DGKK: variants seen among roughly 807,000 people sequenced by gnomAD.
DGKK encodes the protein 142 kDa diacylglycerol kinase.
DGKK carries 35 observed loss-of-function variants against 92.2 expected under a neutral mutation model. That is an observed-to-expected ratio of 0.38 (90% CI 0.29 to 0.50). DGKK has a LOEUF of 0.50. Ranked by LOEUF, DGKK falls within the 20% of genes least tolerant of loss-of-function variation. The pLI is 0.92. For missense variants in DGKK, 910 were observed against 992.2 expected, an observed-to-expected ratio of 0.92 and a Z score of 1.11; for synonymous variants, 368 against 360.6, an observed-to-expected ratio of 1.02 and a Z score of -0.23.
chrX:50,419,287 T>C (rs1389230385), intron 4 of DGKK, among the ~76,000 whole-genome samples: 1 of 111,671 alleles, frequency 9.0e-6, no homozygotes, highest in Non-Finnish European at 1.9e-5. Flanking sequence ...ATGTTCCCCA[T>C]CATTGCTATA....
intron 1 of DGKK, among the ~76,000 whole-genome samples, chrX:50,426,020 C>A (rs782103132): frequency 3.7e-4 from 41 of 111,630 alleles, no homozygotes; most frequent in Non-Finnish European, 7.5e-4. Flanking sequence ...CCTAGGCAGT[C>A]CTATTTACTC....
At chrX:50,434,943 TAAC>T (rs1925982311) in intron 1 of DGKK, among the ~76,000 whole-genome samples, 1 of 111,999 alleles carries the variant, frequency 8.9e-6, no homozygotes, top group South Asian at 3.7e-4. Context: ...ATCATTGTGC[TAAC>T]AAGAGAGTAT....
At chrX:50,374,943 C>G in intron 25 of DGKK, 28 bp downstream of exon 25, 1 of 1,169,981 alleles carries the variant, frequency 8.5e-7, no homozygotes, top group Admixed American at 2.2e-5. Context: ...ATACTTTGCC[C>G]TCCCAGACTC....
intron 12 of DGKK, 72 bp downstream of exon 12, chrX:50,390,256 T>C: frequency 9.9e-7 from 1 of 1,011,486 alleles, no homozygotes; most frequent in Non-Finnish European, 1.4e-6. Flanking sequence ...CAAAAGCTTC[T>C]CTCTGGGTTT....
At chrX:50,448,141 A>T (rs1926412022) in intron 1 of DGKK, among the ~76,000 whole-genome samples, 1 of 110,788 alleles carries the variant, frequency 9.0e-6, no homozygotes. Context: ...GGTTACATCC[A>T]TTTTTTGGGT....
At chrX:50,393,024 T>C in intron 9 of DGKK, 128 bp downstream of exon 9, 11 of 571,396 alleles carry the variant, frequency 1.9e-5, no homozygotes, top group Non-Finnish European at 1.6e-5. Flanking sequence ...GCTTGTGTCC[T>C]GACTTGAGAA....
intron 4 of DGKK, among the ~76,000 whole-genome samples, chrX:50,418,331 T>C (rs782819965): frequency 8.9e-6 from 1 of 112,083 alleles, no homozygotes; most frequent in East Asian, 2.8e-4. Flanking sequence ...ACAAAGCTCA[T>C]TGAGGCCTGG....
At chrX:50,372,693 T>C (rs1277870215) in intron 25 of DGKK, among the ~76,000 whole-genome samples, 1 of 112,235 alleles carries the variant, frequency 8.9e-6, no homozygotes, top group African/African-American at 3.2e-5. Flanking sequence ...CATGGAAGAC[T>C]TAAAATGGAT....
chrX:50,398,221 G>A (rs1241375380), intron 8 of DGKK, among the ~76,000 whole-genome samples: 1 of 111,581 alleles, frequency 9.0e-6, no homozygotes, highest in Non-Finnish European at 1.9e-5. Context: ...AGCTCAGCCA[G>A]GGGGCATTGA....
intron 3 of DGKK, among the ~76,000 whole-genome samples, chrX:50,422,221 C>T (rs928997970): frequency 1.8e-5 from 2 of 111,587 alleles, no homozygotes; most frequent in African/African-American, 6.5e-5. Context: ...ACTCCCTTCC[C>T]CTTGAAATCA....
chrX:50,396,669 CA>C (rs1348113547), intron 8 of DGKK, among the ~76,000 whole-genome samples: 4 of 106,215 alleles, frequency 3.8e-5, no homozygotes, highest in Middle Eastern at 4.7e-3. Context: ...CAGGAGACTA[CA>C]GGGGCAGCTC....
intron 1 of DGKK, among the ~76,000 whole-genome samples, chrX:50,433,986 C>T (rs781818187): frequency 8.1e-5 from 9 of 111,182 alleles, no homozygotes; most frequent in Admixed American, 1.9e-4. Context: ...CTTCCAATTG[C>T]CTTCTTTTCC....
At chrX:50,380,827 T>C (rs1924396127) in intron 18 of DGKK, among the ~76,000 whole-genome samples, 2 of 111,836 alleles carry the variant, frequency 1.8e-5, no homozygotes, top group Admixed American at 1.9e-4. Flanking sequence ...AGTTTTGAAA[T>C]GTCAGAAGGC....
At chrX:50,379,502 G>T in intron 20 of DGKK, 125 bp downstream of exon 20, 3 of 537,424 alleles carry the variant, frequency 5.6e-6, no homozygotes, top group Non-Finnish European at 9.1e-6. Flanking sequence ...TGCTAATAAA[G>T]GTTCTCGGAC....
intron 1 of DGKK, among the ~76,000 whole-genome samples, chrX:50,449,748 A>G (rs1926452674): frequency 9.0e-6 from 1 of 111,350 alleles, no homozygotes; most frequent in Non-Finnish European, 1.9e-5. Flanking sequence ...GACTGAGTTG[A>G]AGCTTTCTTG....
intron 23 of DGKK, 67 bp downstream of exon 23, chrX:50,376,691 C>T: frequency 9.6e-7 from 1 of 1,043,398 alleles, no homozygotes; most frequent in Non-Finnish European, 1.3e-6. Flanking sequence ...CCAATAGACA[C>T]AAATTGGCTT....
At chrX:50,381,189 C>T (rs782647360) in intron 18 of DGKK, among the ~76,000 whole-genome samples, 3 of 111,989 alleles carry the variant, frequency 2.7e-5, no homozygotes, top group African/African-American at 6.5e-5. Flanking sequence ...GCTCTAGATC[C>T]GGGCGCGGTG....
intron 1 of DGKK, among the ~76,000 whole-genome samples, chrX:50,462,662 T>C (rs1368442428): frequency 3.7e-5 from 4 of 108,761 alleles, no homozygotes; most frequent in Non-Finnish European, 7.6e-5. Context: ...TCATTGCTTT[T>C]GGTGGAGGTG....
chrX:50,390,277 T>A, intron 12 of DGKK, 51 bp downstream of exon 12: 1 of 1,142,233 alleles, frequency 8.8e-7, no homozygotes, highest in East Asian at 3.0e-5. Context: ...TGCCAATTAT[T>A]TCACTGAGTA....
Sources: allele counts gnomAD v4.1 joint callset (sites outside exome capture counted in the v4.1 genomes callset), GRCh38; gene constraint gnomAD v4.1.1; transcripts MANE v1.5; gene names NCBI Gene and HGNC (gene_info 2026-07-23, HGNC 2026-07-21).